HUS1: variants seen among roughly 807,000 people sequenced by gnomAD.
The protein encoded by HUS1 is HUS1 checkpoint clamp component.
Under a neutral mutation model 32.6 loss-of-function variants are expected in HUS1, and 31 were observed. That is an observed-to-expected ratio of 0.95 (90% CI 0.72 to 1.28). The LOEUF is 1.28. Among genes scored for constraint, HUS1 ranks in the 50% most tolerant of loss-of-function variants. HUS1 has a pLI of 0.00. For missense variants in HUS1, 340 were observed against 337.7 expected, an observed-to-expected ratio of 1.01 and a Z score of -0.05; for synonymous variants, 123 against 116.6, an observed-to-expected ratio of 1.06 and a Z score of -0.36.
rs1432395084 is a variant in HUS1 at position 47,979,468 on chromosome 7, G to A, written c.52C>T (p.Arg18Ter). Residue 18 changes from arginine (R) to a stop codon, truncating the protein, a stop_gained and splice_region_variant, in exon 1 of 8, where the codon CGA (arginine) becomes TGA (stop). Coordinates refer to ENST00000258774, the MANE Select transcript of HUS1 (RefSeq NM_004507.4). LOFTEE classifies it high-confidence loss of function. ...GCTCCTCTCCGGCCTCCCTGCTCAC[G>A]TGTGAAGTGGTTCAGACAGGCCCCG... ...VDGACLNHFT[R>*]ISNMIAKLAK... The A allele has an allele frequency of 1.2e-6, 2 of 1,613,356 alleles. No homozygotes were observed. The highest frequency in any genetic ancestry group is 1.7e-6 in the Non-Finnish European group (2 of 1,179,906).
In HUS1 at chr7:47,963,400, AAATGGTT is replaced by A; in HGVS notation, c.*1949_*1955del. 1 of 152,382 alleles carries A rather than the reference AAATGGTT, an allele frequency of 6.6e-6. No individual in the cohort carries two copies. The highest frequency in any genetic ancestry group is 6.5e-5 in the Admixed American group (1 of 15,308). The allele number at this position is 152,382 out of a possible 1,614,324, so 9.4% of individuals were successfully genotyped here. A position where few individuals can be genotyped will look rare whatever the true frequency, so the allele number is the denominator to read the frequency against. ...TTTGATAATAAACATCACATAGAGC[AAATGGTT>A]AAGTCACTAACACATTCTCTTTAAC... On this transcript the variant is annotated 3_prime_UTR_variant, in exon 8 of 8. Transcript: ENST00000258774.
At chr7:47,974,259 GATT>G (rs1056886144) in intron 5 of HUS1, among the ~76,000 whole-genome samples, 66 of 152,340 alleles carry the variant, frequency 4.3e-4, no homozygotes, top group African/African-American at 1.6e-3. Context: ...ACACAAAGAT[GATT>G]AAGATGGGGT....
At chr7:47,975,005 G>A (rs796357421) in intron 5 of HUS1, among the ~76,000 whole-genome samples, 3 of 152,244 alleles carry the variant, frequency 2.0e-5, no homozygotes, top group African/African-American at 7.2e-5. Flanking sequence ...ATACGGGCAC[G>A]TTAGCAGGTA....
rs1385488005 is a variant in HUS1 at position 47,979,614 on chromosome 7, G to A, written c.-95C>T. 3.0e-6 allele frequency: 3 copies of A among 1,016,076 alleles called. No homozygotes were observed. The highest frequency in any genetic ancestry group is 1.7e-5 in the Admixed American group (1 of 57,768). 62.9% of individuals were successfully genotyped at this position (1,016,076 alleles called of 1,614,324 possible). A position where few individuals can be genotyped will look rare whatever the true frequency, so the allele number is the denominator to read the frequency against. ...GCCCGGAAACACGGCAGCGCGAACA[G>A]TGGTTCCGCCCGGCTCGGGCTACGC... On this transcript the variant is annotated 5_prime_UTR_variant, in exon 1 of 8. Coordinates refer to ENST00000258774, the MANE Select transcript of HUS1 (RefSeq NM_004507.4).
intron 6 of HUS1, among the ~76,000 whole-genome samples, chr7:47,968,320 T>C (rs997821300): frequency 1.3e-5 from 2 of 151,588 alleles, no homozygotes; most frequent in South Asian, 4.2e-4. Flanking sequence ...GTACCAAAGA[T>C]AAGTCCCACC....
chr7:47,976,718 G>C lies in HUS1; in HGVS notation c.465+12C>G, dbSNP rs1212624647. 2 of 1,443,728 alleles carry C rather than the reference G, an allele frequency of 1.4e-6. No homozygotes were observed. The highest frequency in any genetic ancestry group is 2.0e-6 in the Non-Finnish European group (2 of 1,024,760). 89.4% of individuals were successfully genotyped at this position (1,443,728 alleles called of 1,614,324 possible). A position where few individuals can be genotyped will look rare whatever the true frequency, so the allele number is the denominator to read the frequency against. On this transcript the variant is annotated intron_variant, in intron 4 of 7. Transcript: ENST00000258774. ...ATGTGGGGTGTACAGCAGGACTGCA[G>C]GCATCACCTACATCAGGATCTGGGA...
At chr7:47,973,526 G>A (rs956295814) in intron 5 of HUS1, among the ~76,000 whole-genome samples, 21 of 152,258 alleles carry the variant, frequency 1.4e-4, no homozygotes, top group African/African-American at 4.3e-4. Flanking sequence ...GTCACACCTC[G>A]CATTTAATGA....
At chr7:47,974,378 G>C (rs1788656053) in intron 5 of HUS1, among the ~76,000 whole-genome samples, 1 of 152,194 alleles carries the variant, frequency 6.6e-6, no homozygotes. Flanking sequence ...TTCCAGAGGG[G>C]TGGTGGGGAA....
intron 6 of HUS1, 105 bp from the exon 7 acceptor site, chr7:47,968,030 A>G: frequency 8.4e-7 from 1 of 1,195,382 alleles, no homozygotes; most frequent in Non-Finnish European, 1.2e-6. Context: ...TTTAGCACTG[A>G]TTTTAGCATC....
At chr7:47,979,395 C>T in intron 1 of HUS1, 73 bp downstream of exon 1, 3 of 1,590,140 alleles carry the variant, frequency 1.9e-6, no homozygotes, top group East Asian at 2.3e-5. Flanking sequence ...TCTGATCCTC[C>T]TGCGCGGTCC....
intron 7 of HUS1, among the ~76,000 whole-genome samples, chr7:47,966,018 C>G (rs3176602): frequency 0.047 from 7,017 of 150,748 alleles, 336 homozygotes; most frequent in African/African-American, 0.12. Context: ...GCACAGCAGC[C>G]GAGGAAAGCT....
At chr7:47,974,802 A>G (rs967058643) in intron 5 of HUS1, among the ~76,000 whole-genome samples, 2 of 152,214 alleles carry the variant, frequency 1.3e-5, no homozygotes, top group Admixed American at 6.5e-5. Flanking sequence ...CCATGTGGCC[A>G]TAGGAGACTT....
chr7:47,965,057 A>G lies in HUS1; in HGVS notation c.*299T>C, dbSNP rs909950530. Reference sequence around the variant, plus strand: ...TGGCTACTACACCAAGTCTAAATACATGACGATTTTCACAACATCAATGAG... The same window carrying G: ...TGGCTACTACACCAAGTCTAAATACGTGACGATTTTCACAACATCAATGAG... On this transcript the variant is annotated 3_prime_UTR_variant, in exon 8 of 8. Transcript: ENST00000258774. 5 of 289,722 alleles carry G rather than the reference A, an allele frequency of 1.7e-5. No homozygotes were observed. Among genetic ancestry groups the G allele is most frequent in the Non-Finnish European group, 2.7e-5 (4 of 148,778 alleles). 17.9% of individuals were successfully genotyped at this position (289,722 alleles called of 1,614,324 possible).
chr7:47,965,646 A>T (rs749127621), intron 7 of HUS1, among the ~76,000 whole-genome samples: 9 of 152,268 alleles, frequency 5.9e-5, no homozygotes, highest in Middle Eastern at 6.8e-3. Flanking sequence ...CTGTGCGAGG[A>T]GAGGAAAAGT....
chr7:47,976,982 A>G lies in HUS1; in HGVS notation c.358-145T>C, dbSNP rs3176519. 9.9e-4 allele frequency: 590 copies of G among 593,700 alleles called. 8 individuals are homozygous for G. The highest frequency in any genetic ancestry group is 9.7e-3 in the African/African-American group (524 of 53,872). 36.8% of individuals were successfully genotyped at this position (593,700 alleles called of 1,614,324 possible). On this transcript the variant is annotated intron_variant, in intron 3 of 7. Coordinates refer to ENST00000258774, the MANE Select transcript of HUS1 (RefSeq NM_004507.4). ...TTATTCACTCAAAAGCCATTCGACC[A>G]ATATTGATGGTGCCAATATTTATGG...
At chr7:47,976,510 T>C (rs1462031345) in intron 4 of HUS1, 1 of 604,672 alleles carries the variant, frequency 1.7e-6, no homozygotes, top group Non-Finnish European at 3.1e-6. Flanking sequence ...TAAGTGATGT[T>C]ACTGAGCGAG....
At chr7:47,974,999 G>C (rs755015508) in intron 5 of HUS1, among the ~76,000 whole-genome samples, 2 of 152,074 alleles carry the variant, frequency 1.3e-5, no homozygotes, top group Non-Finnish European at 2.9e-5. Flanking sequence ...AGAAAAATAC[G>C]GGCACGTTAG....
Position 47,970,014 on chromosome 7 carries a change from A to G in HUS1, c.541-696T>C, listed in dbSNP as rs187941470. Among the ~76,000 whole-genome samples the G allele has an allele frequency of 4.0e-3, 608 of 152,062 alleles. 1 individual carries two copies. Among genetic ancestry groups the G allele is most frequent in the Middle Eastern group, 0.014 (4 of 294 alleles). On this transcript the variant is annotated intron_variant, in intron 5 of 7. Transcript: ENST00000258774. ...TTTGGGAGGCCGAGGCGGGCGGATC[A>G]CGAGGTCAGGAGATCAAGACCATCC...
At chr7:47,968,976 C>A in intron 6 of HUS1, 1 of 391,288 alleles carries the variant, frequency 2.6e-6, no homozygotes, top group Non-Finnish European at 4.5e-6. Context: ...CCGAATTCTA[C>A]AGAGGATGGA....
Sources: allele counts gnomAD v4.1 joint callset (sites outside exome capture counted in the v4.1 genomes callset), GRCh38; gene constraint gnomAD v4.1.1; transcripts MANE v1.5; gene names NCBI Gene and HGNC (gene_info 2026-07-23, HGNC 2026-07-21).